The following GALNT13 variants were observed in gnomAD, a reference collection of about 807,000 sequenced individuals.
The protein encoded by GALNT13 is polypeptide N-acetylgalactosaminyltransferase 13.
Under a neutral mutation model 64.2 loss-of-function variants are expected in GALNT13, and 28 were observed. The ratio of observed to expected loss-of-function variants is 0.44; its 90% CI spans 0.32 to 0.60. GALNT13 has a LOEUF of 0.60. Ranked by LOEUF, GALNT13 falls within the 20% of genes least tolerant of loss-of-function variation. GALNT13 has a pLI of 0.05. For synonymous variants in GALNT13, 214 were observed against 224.6 expected (o/e 0.95, Z 0.42); for missense variants, 577 against 669.8 (o/e 0.86, Z 1.53).
chr2:153,839,611 T>C, the GALNT13 span, among the ~76,000 whole-genome samples: 1 of 151,906 alleles, frequency 6.6e-6, no homozygotes, highest in Non-Finnish European at 1.5e-5. Context: ...TTATGAATTA[T>C]GTAAAGTTTT....
At chr2:153,215,048 T>A in the GALNT13 span, among the ~76,000 whole-genome samples, 1 of 152,144 alleles carries the variant, frequency 6.6e-6, no homozygotes, top group Non-Finnish European at 1.5e-5. Context: ...CCATCACTAC[T>A]TCCTCTGGAA....
the GALNT13 span, among the ~76,000 whole-genome samples, chr2:153,297,287 A>G: frequency 6.6e-6 from 1 of 152,196 alleles, no homozygotes; most frequent in Non-Finnish European, 1.5e-5. Context: ...CTCATATATC[A>G]AAGACAGAAT....
intron 3 of GALNT13, among the ~76,000 whole-genome samples, chr2:153,957,965 T>C (rs1692689716): frequency 6.6e-6 from 1 of 152,170 alleles, no homozygotes; most frequent in Admixed American, 6.5e-5. Context: ...CTTTCTATGT[T>C]TTTCCTTGTG....
chr2:154,150,369 G>A (rs1683915471), intron 4 of GALNT13, among the ~76,000 whole-genome samples: 1 of 150,932 alleles, frequency 6.6e-6, no homozygotes, highest in Admixed American at 6.6e-5. Context: ...TGTTCATCAA[G>A]GATATTGGTC....
chr2:153,956,470 T>A (rs1192998243), intron 3 of GALNT13, among the ~76,000 whole-genome samples: 1 of 152,194 alleles, frequency 6.6e-6, no homozygotes, highest in Non-Finnish European at 1.5e-5. Context: ...ATGCAGATCA[T>A]CTATAACATG....
the GALNT13 span, among the ~76,000 whole-genome samples, chr2:153,082,673 A>G: frequency 7.5e-6 from 1 of 134,128 alleles, no homozygotes; most frequent in Non-Finnish European, 1.6e-5. Context: ...ACATATATAT[A>G]ATTTATTAAA....
At chr2:153,745,448 G>C in the GALNT13 span, among the ~76,000 whole-genome samples, 3 of 152,056 alleles carry the variant, frequency 2.0e-5, no homozygotes, top group African/African-American at 7.2e-5. Context: ...TTTGGTTTGG[G>C]CACCTGATGA....
At chr2:154,184,829 C>A (rs971580334) in intron 4 of GALNT13, among the ~76,000 whole-genome samples, 1 of 152,012 alleles carries the variant, frequency 6.6e-6, no homozygotes, top group East Asian at 1.9e-4. Context: ...AAAGTTATTG[C>A]AGCTCTAGTT....
the GALNT13 span, among the ~76,000 whole-genome samples, chr2:153,751,886 G>T: frequency 6.7e-6 from 1 of 148,236 alleles, no homozygotes; most frequent in Non-Finnish European, 1.5e-5. Context: ...TTGTTTTCCG[G>T]TTGACATGTG....
the GALNT13 span, among the ~76,000 whole-genome samples, chr2:153,287,153 T>C: frequency 6.6e-6 from 1 of 152,200 alleles, no homozygotes; most frequent in Non-Finnish European, 1.5e-5. Context: ...AGAAGTTCCC[T>C]AATCTCACTC....
chr2:154,167,827 A>G (rs1429170208), intron 4 of GALNT13, among the ~76,000 whole-genome samples: 1 of 152,232 alleles, frequency 6.6e-6, no homozygotes, highest in Non-Finnish European at 1.5e-5. Context: ...GTTGGTACCA[A>G]CAATCCTATG....
At chr2:154,415,525 A>G (rs1423144385) in intron 11 of GALNT13, among the ~76,000 whole-genome samples, 1 of 152,136 alleles carries the variant, frequency 6.6e-6, no homozygotes, top group Non-Finnish European at 1.5e-5. Flanking sequence ...GCCTTTAAGG[A>G]AGCTTATGCT....
At chr2:153,071,242 A>T in the GALNT13 span, among the ~76,000 whole-genome samples, 2 of 152,226 alleles carry the variant, frequency 1.3e-5, no homozygotes, top group Admixed American at 6.5e-5. Context: ...AATATTTTAT[A>T]TCCAGCTTGA....
chr2:153,405,860 A>G, the GALNT13 span, among the ~76,000 whole-genome samples: 2 of 152,154 alleles, frequency 1.3e-5, no homozygotes, highest in Non-Finnish European at 2.9e-5. Flanking sequence ...CTCAGTCCTT[A>G]AAACTTACCC....
chr2:153,193,380 G>C, the GALNT13 span, among the ~76,000 whole-genome samples: 5 of 149,162 alleles, frequency 3.4e-5, no homozygotes, highest in Non-Finnish European at 7.4e-5. Context: ...CTCACTCATA[G>C]GTGGGAATTG....
chr2:153,278,226 TTTAAGTTTC>T, the GALNT13 span, among the ~76,000 whole-genome samples: 1 of 151,972 alleles, frequency 6.6e-6, no homozygotes, highest in African/African-American at 2.4e-5. Context: ...AGCCACCGTG[TTTAAGTTTC>T]TTAAAGTTTC....
intron 3 of GALNT13, among the ~76,000 whole-genome samples, 183 bp from the exon 4 acceptor site, chr2:154,140,154 C>T (rs756157862): frequency 2.6e-4 from 40 of 151,988 alleles, no homozygotes; most frequent in Non-Finnish European, 3.7e-4. Flanking sequence ...GAAGATAATA[C>T]GCAGAATTGA....
At chr2:153,399,843 C>G in the GALNT13 span, among the ~76,000 whole-genome samples, 2 of 151,824 alleles carry the variant, frequency 1.3e-5, no homozygotes, top group Non-Finnish European at 2.9e-5. Flanking sequence ...ATGGGGTTTT[C>G]TAGATATACA....
chr2:153,745,579 A>G, the GALNT13 span, among the ~76,000 whole-genome samples: 4,325 of 152,228 alleles, frequency 0.028, 79 homozygotes, highest in Non-Finnish European at 0.042. Flanking sequence ...GAAATTCTCA[A>G]ATGATTGATT....
Sources: gnomAD v4.1 joint callset for allele counts (sites outside exome capture counted in the v4.1 genomes callset) on GRCh38, gnomAD v4.1.1 for gene constraint, MANE v1.5 for transcripts, NCBI Gene and HGNC (gene_info 2026-07-23, HGNC 2026-07-21) for gene names.